MACF1: variants seen among roughly 807,000 people sequenced by gnomAD.
MACF1 encodes the protein microtubule-actin cross-linking factor 1.
Under a neutral mutation model 854.8 loss-of-function variants are expected in MACF1, and 193 were observed. The observed-to-expected ratio is 0.23, with a 90% CI of 0.20 to 0.25. The LOEUF (loss-of-function observed/expected upper bound fraction) is 0.25. MACF1 is among the 10% of genes least tolerant of loss of function. The pLI is 1.00. For missense variants in MACF1, 7,722 were observed against 8,929.1 expected (o/e 0.86, Z 5.45); for synonymous variants, 3,185 against 3,226.7 (o/e 0.99, Z 0.44).
chr1:39,335,471 GGTTTTGCAGCAACCAAT>G lies in MACF1; in HGVS notation c.8885_8901del (p.Val2962GlufsTer7). On this transcript the variant is annotated frameshift_variant, in exon 37 of 101. Coordinates refer to ENST00000564288, the MANE Select transcript of MACF1 (RefSeq NM_001394062.1). LOFTEE classifies it high-confidence loss of function. ...CGTCAGGCAAATTGCCGAGTGAGCA[GGTTTTGCAGCAACCAAT>G]GAATGCTCGGGTGAAAAGTAAGAGA... 6.2e-7 allele frequency: 1 copy of G among 1,614,196 alleles called. No homozygotes were observed. The highest frequency in any genetic ancestry group is 8.5e-7 in the Non-Finnish European group (1 of 1,180,032).
Position 39,346,337 on chromosome 1 carries a change from G to T in MACF1, c.10582-640G>T, listed in dbSNP as rs533586114. Among the ~76,000 whole-genome samples the T allele has an allele frequency of 3.9e-5, 6 of 152,090 alleles. No individual in the cohort carries two copies. The East Asian group carries it at 1.2e-3, about 30-fold the overall frequency. On this transcript the variant is annotated intron_variant, in intron 40 of 100. Transcript: ENST00000564288. The stretch of plus-strand genomic sequence containing the variant: ...AGATGGCGCCCCTGTACTCCAGCCT[G>T]GGTGACAGAGCGAAACTCTGTATCA...
intron 2 of MACF1, among the ~76,000 whole-genome samples, chr1:39,134,404 A>C (rs1025122839): frequency 2.6e-4 from 40 of 152,134 alleles, no homozygotes; most frequent in Non-Finnish European, 1.0e-4. Context: ...AACATTTAAC[A>C]GTACATTCTT....
rs550537045 is a variant in MACF1, at chr1:39,250,175, G to T, written c.261+72G>T. 7.5e-5 allele frequency: 73 copies of T among 974,350 alleles called. 1 individual carries two copies. The East Asian group carries it at 9.1e-4, about 12-fold the overall frequency. 60.4% of individuals were successfully genotyped at this position (974,350 alleles called of 1,614,324 possible). ...GACATATTGGTCCATCTCATTGAGT[G>T]CAAGGGCAGCAGCCATCACTGTTTC... On this transcript the variant is annotated intron_variant, in intron 3 of 100. Coordinates refer to ENST00000564288, the MANE Select transcript of MACF1 (RefSeq NM_001394062.1).
rs769946648 is a variant in MACF1, at chr1:39,332,044, G to C, written c.5456G>C (p.Gly1819Ala). 1.9e-6 allele frequency: 3 copies of C among 1,613,952 alleles called. No homozygotes were observed. Among genetic ancestry groups the C allele is most frequent in the Non-Finnish European group, 2.5e-6 (3 of 1,179,978 alleles). Residue 1819 changes from glycine to alanine, a missense_variant, in exon 37 of 101, where the codon GGG (glycine) becomes GCG (alanine). This residue lies in a region of MACF1 where 1,531 missense variants were observed against 1,601.6 expected (regional missense o/e 0.96). Coordinates refer to ENST00000564288, the MANE Select transcript of MACF1 (RefSeq NM_001394062.1). ...QTGGIIDTVT[G>A]QRLTIDEAVS... ...GGAGGCATCATAGACACTGTCACGG[G>C]GCAAAGGCTAACAATAGATGAAGCA...
Position 39,385,891 on chromosome 1 carries a change from C to A in MACF1, c.14306C>A (p.Thr4769Lys). ...LKDELKKRLE[T>K]VALPLQGLED... ...GATGAACTGAAGAAGCGTTTGGAGA[C>A]AGTTGCCCTGCCTCTCCAAGGTTTA... The change falls in exon 57 of 101, where the codon ACA (threonine) becomes AAA (lysine). Residue 4769 changes from threonine (T) to lysine (K), a missense_variant. Coordinates refer to ENST00000564288, the MANE Select transcript of MACF1 (RefSeq NM_001394062.1). The A allele has an allele frequency of 6.2e-7, 1 of 1,613,210 alleles. No homozygotes were observed. Among genetic ancestry groups the A allele is most frequent in the South Asian group, 1.1e-5 (1 of 91,022 alleles).
Position 39,258,009 on chromosome 1 carries a change from C to A in MACF1, c.509C>A (p.Thr170Asn). ...NPKLTLGLIW[T>N]IILHFQISDI... ...AAGTTGACCCTGGGTCTGATCTGGACCATTATTTTGCATTTCCAGGTAGGG... is the reference window on the plus strand; with the variant it reads ...AAGTTGACCCTGGGTCTGATCTGGAACATTATTTTGCATTTCCAGGTAGGG... Residue 170 changes from threonine to asparagine, a missense_variant, in exon 6 of 101, where the codon ACC becomes AAC. Physicochemically the swap from Thr to Asn is moderately conservative, Grantham distance 65. Around this residue, in one of 15 missense-constraint regions of MACF1, gnomAD observed 108 missense variants for 196.4 expected, o/e 0.55. Coordinates refer to ENST00000564288, the MANE Select transcript of MACF1 (RefSeq NM_001394062.1). The A allele has an allele frequency of 6.2e-7, 1 of 1,613,948 alleles. No individual in the cohort carries two copies. Among genetic ancestry groups the A allele is most frequent in the Non-Finnish European group, 8.5e-7 (1 of 1,179,890 alleles).
At chr1:39,252,890 GA>G (rs1480015844) in intron 4 of MACF1, among the ~76,000 whole-genome samples, 11 of 152,192 alleles carry the variant, frequency 7.2e-5, no homozygotes, top group Non-Finnish European at 1.3e-4. Context: ...AGAGTGCCCA[GA>G]AGATGCTTCC....
chr1:39,228,067 T>C (rs931551057), intron 1 of MACF1, among the ~76,000 whole-genome samples: 2 of 152,190 alleles, frequency 1.3e-5, no homozygotes, highest in African/African-American at 4.8e-5. Flanking sequence ...TCCCAGCATT[T>C]TGGGAGGCCA....
Position 39,353,099 on chromosome 1 carries a change from G to C in MACF1, c.11292G>C (p.Leu3764=). 6.2e-7 allele frequency: 1 copy of C among 1,614,176 alleles called. No individual in the cohort carries two copies. Among genetic ancestry groups the C allele is most frequent in the Non-Finnish European group, 8.5e-7 (1 of 1,180,028 alleles). Residue 3764 remains leucine, a synonymous_variant, in exon 44 of 101, where the codon CTG becomes CTC. Coordinates refer to ENST00000564288, the MANE Select transcript of MACF1 (RefSeq NM_001394062.1). Reference sequence around the variant, plus strand: ...CAGTAGGATCATCTGGTGGACAGCTGCTGACCAACCTTCCAGGAATGGAGC... The same window carrying C: ...CAGTAGGATCATCTGGTGGACAGCTCCTGACCAACCTTCCAGGAATGGAGC... The part of the protein sequence containing the change: ...VTSVGSSGGQ[L]LTNLPGMEQL...
chr1:39,383,673 C>G (rs1251158826), intron 56 of MACF1, among the ~76,000 whole-genome samples: 1 of 152,114 alleles, frequency 6.6e-6, no homozygotes, highest in South Asian at 2.1e-4. Flanking sequence ...GTCAGGAGAT[C>G]GAGACCATCC....
At chr1:39,349,879 G>A (rs765400460) in intron 42 of MACF1, among the ~76,000 whole-genome samples, 4 of 152,110 alleles carry the variant, frequency 2.6e-5, no homozygotes, top group East Asian at 1.9e-4. Context: ...TCCTCCTGCC[G>A]TGGCCTTGGC....
chr1:39,453,619 C>A, intron 87 of MACF1, 88 bp from the exon 88 acceptor site: 3 of 1,169,030 alleles, frequency 2.6e-6, no homozygotes, highest in Non-Finnish European at 3.8e-6. Context: ...AAAAAGAAAA[C>A]ATTGAAATTT....
intron 2 of MACF1, among the ~76,000 whole-genome samples, chr1:39,089,472 C>T (rs1341539758): frequency 6.6e-6 from 1 of 152,212 alleles, no homozygotes; most frequent in Non-Finnish European, 1.5e-5. Flanking sequence ...TCTCTCTGCA[C>T]AGCCCTTGTT....
chr1:39,359,083 C>G (rs1175885514), intron 46 of MACF1, 58 bp from the exon 47 acceptor site: 1 of 1,602,074 alleles, frequency 6.2e-7, no homozygotes, highest in African/African-American at 1.3e-5. Context: ...CTCCGGATTC[C>G]TAGAATCATC....
At chr1:39,287,762 C>G in intron 15 of MACF1, 200 bp downstream of exon 15, 1 of 615,982 alleles carries the variant, frequency 1.6e-6, no homozygotes, top group East Asian at 2.8e-5. Flanking sequence ...CTGCCTCAGT[C>G]TCTTGAGTAG....
intron 2 of MACF1, among the ~76,000 whole-genome samples, chr1:39,197,647 C>G (rs1231157403): frequency 2.0e-5 from 3 of 152,180 alleles, no homozygotes; most frequent in Admixed American, 6.5e-5. Context: ...CTTTGGGAGG[C>G]AGAGGCGGGA....
At chr1:39,311,694 C>T (rs910607378) in intron 26 of MACF1, among the ~76,000 whole-genome samples, 2 of 152,054 alleles carry the variant, frequency 1.3e-5, no homozygotes, top group Admixed American at 6.6e-5. Flanking sequence ...AATAAAAAGT[C>T]GAAGTTACAA....
chr1:39,343,272 G>A (rs116801051), intron 40 of MACF1, among the ~76,000 whole-genome samples: 2 of 152,230 alleles, frequency 1.3e-5, no homozygotes, highest in Admixed American at 6.5e-5. Context: ...AACTAGAAAT[G>A]TCCCCTCCTT....
chr1:39,181,869 T>C (rs1015474707), intron 2 of MACF1, among the ~76,000 whole-genome samples: 6 of 152,052 alleles, frequency 3.9e-5, no homozygotes, highest in African/African-American at 1.2e-4. Flanking sequence ...AAGAATGAAA[T>C]TGGCCAGGCG....
Sources: allele counts gnomAD v4.1 joint callset (sites outside exome capture counted in the v4.1 genomes callset), GRCh38; gene constraint gnomAD v4.1.1; regional missense constraint gnomAD v4.1.1; transcripts MANE v1.5; gene names NCBI Gene and HGNC (gene_info 2026-07-23, HGNC 2026-07-21).